Variants in CYB5A observed in about 807,000 individuals in gnomAD.
The protein encoded by CYB5A is cytochrome b5 type A.
In CYB5A, 10 loss-of-function variants were observed where a neutral mutation model predicts 16.2. That is an observed-to-expected ratio of 0.62 (90% confidence interval 0.38 to 1.04). CYB5A has a LOEUF of 1.04. Ranked by LOEUF, CYB5A falls within the 50% of genes least tolerant of loss-of-function variation. The pLI, the probability that CYB5A is intolerant of heterozygous loss-of-function variation, is 0.01. For missense variants in CYB5A, 161 were observed against 165.9 expected (o/e 0.97, Z 0.16); for synonymous variants, 62 against 57.0 (o/e 1.09, Z -0.40).
At position 74,291,807 on chromosome 18, in the gene CYB5A, G is replaced by C. The variant is rs1003722479; in HGVS notation, c.69C>G (p.Ser23Arg). 6.2e-7 allele frequency: 1 copy of C among 1,613,762 alleles called. No homozygotes were observed. Among genetic ancestry groups the C allele is most frequent in the African/African-American group, 1.3e-5 (1 of 74,898 alleles). ...GGTGCAGGATCAGCCAGGTGCTCTTGCTGTGGTTGTGCTTCTGAATCTCCT... is the reference window on the plus strand; with the variant it reads ...GGTGCAGGATCAGCCAGGTGCTCTTCCTGTGGTTGTGCTTCTGAATCTCCT... ...TLEEIQKHNH[S>R]KSTWLILHHK... The change falls in exon 1 of 5, where the codon AGC (serine) becomes AGG (arginine). Residue 23 changes from serine (S) to arginine (R), a missense_variant. Coordinates refer to ENST00000340533, the MANE Select transcript of CYB5A (RefSeq NM_148923.4).
Position 74,273,356 on chromosome 18 carries a change from A to C in CYB5A, c.130-9879T>G, listed in dbSNP as rs146434020. On this transcript the variant is annotated intron_variant, in intron 1 of 4. Transcript: ENST00000340533. ...CAGCCCTGGTTTCCTAAGAAATAAA[A>C]GAGTTTAAAAAGGAAGAAAATACTG... 6.7e-3 allele frequency among the ~76,000 whole-genome samples: 1,022 copies of C among 152,366 alleles called. 11 individuals are homozygous for C. The highest frequency in any genetic ancestry group is 0.011 in the Non-Finnish European group (725 of 68,040).
intron 1 of CYB5A, among the ~76,000 whole-genome samples, chr18:74,269,824 TCCTC>T (rs1982601157): frequency 6.6e-6 from 1 of 152,066 alleles, no homozygotes; most frequent in Non-Finnish European, 1.5e-5. Context: ...TGGTCTCCCA[TCCTC>T]CCTAGCATCA....
chr18:74,288,761 G>C (rs1983414169), intron 1 of CYB5A, among the ~76,000 whole-genome samples: 1 of 152,202 alleles, frequency 6.6e-6, no homozygotes, highest in Admixed American at 6.5e-5. Flanking sequence ...ATAGAACCCA[G>C]AGAGAGGCTC....
chr18:74,253,917 G>A (rs1208281517), intron 4 of CYB5A, among the ~76,000 whole-genome samples: 8 of 152,198 alleles, frequency 5.3e-5, no homozygotes, highest in Non-Finnish European at 1.0e-4. Flanking sequence ...AGTGGCTCAC[G>A]CCTGTAATCC....
At chr18:74,254,222 C>T (rs936799085) in intron 4 of CYB5A, among the ~76,000 whole-genome samples, 2 of 151,954 alleles carry the variant, frequency 1.3e-5, no homozygotes, top group Non-Finnish European at 2.9e-5. Context: ...ATGAATGCCC[C>T]ACCAGCTGTA....
chr18:74,272,518 A>G (rs1288088167), intron 1 of CYB5A, among the ~76,000 whole-genome samples: 3 of 152,178 alleles, frequency 2.0e-5, no homozygotes, highest in African/African-American at 7.2e-5. Flanking sequence ...CAATTCTGGT[A>G]TTTCTAACAA....
At chr18:74,259,447 C>T (rs1480823302) in intron 3 of CYB5A, 1 of 152,120 alleles carries the variant, frequency 6.6e-6, no homozygotes, top group East Asian at 1.9e-4. Context: ...GCAATTAATC[C>T]AACAGAGTAT....
intron 1 of CYB5A, among the ~76,000 whole-genome samples, chr18:74,281,291 G>A (rs561009489): frequency 5.9e-5 from 9 of 152,294 alleles, no homozygotes; most frequent in South Asian, 2.1e-4. Flanking sequence ...GTAGCCTCAG[G>A]GATACAAGAG....
At chr18:74,283,773 T>C (rs755979858) in intron 1 of CYB5A, among the ~76,000 whole-genome samples, 2 of 152,174 alleles carry the variant, frequency 1.3e-5, no homozygotes, top group Admixed American at 6.5e-5. Flanking sequence ...GACTCAGCAC[T>C]GAAGACACTG....
chr18:74,288,168 G>A (rs1056580708), intron 1 of CYB5A, among the ~76,000 whole-genome samples: 5 of 152,192 alleles, frequency 3.3e-5, no homozygotes, highest in Non-Finnish European at 7.3e-5. Context: ...AGCTTTAGTG[G>A]CCATTATTTC....
intron 1 of CYB5A, among the ~76,000 whole-genome samples, chr18:74,267,043 GGAGA>G (rs149309645): frequency 1.3e-5 from 2 of 151,070 alleles, no homozygotes. Context: ...TATGTATTAC[GGAGA>G]GAGAGAGAGA....
chr18:74,290,200 G>C (rs1053804807), intron 1 of CYB5A, among the ~76,000 whole-genome samples: 3 of 152,058 alleles, frequency 2.0e-5, no homozygotes, highest in Non-Finnish European at 2.9e-5. Flanking sequence ...CTGCTCCAGA[G>C]TGAAATACCT....
In CYB5A at chr18:74,258,302, C is replaced by G. The variant is rs983296863; in HGVS notation, c.289-2527G>C. Reference sequence around the variant, plus strand: ...AGACACTGTGAGGACCAAATAACTTCTACAAGAATGCTTTCAAAACTATAA... The same window carrying G: ...AGACACTGTGAGGACCAAATAACTTGTACAAGAATGCTTTCAAAACTATAA... On this transcript the variant is annotated intron_variant, in intron 3 of 4. Coordinates refer to ENST00000340533, the MANE Select transcript of CYB5A (RefSeq NM_148923.4). 2.6e-5 allele frequency: 4 copies of G among 152,178 alleles called. No homozygotes were observed. In the East Asian group the frequency reaches 7.7e-4, roughly 29 times the overall value. The allele number at this position is 152,178 out of a possible 1,614,324, so 9.4% of individuals were successfully genotyped here. A position where few individuals can be genotyped will look rare whatever the true frequency, so the allele number is the denominator to read the frequency against.
intron 1 of CYB5A, among the ~76,000 whole-genome samples, chr18:74,280,941 C>A (rs1983074745): frequency 6.6e-6 from 1 of 152,128 alleles, no homozygotes; most frequent in Non-Finnish European, 1.5e-5. Context: ...TACGGACTGA[C>A]CCCATCTGAC....
intron 3 of CYB5A, chr18:74,258,103 T>A (rs1037854755): frequency 1.3e-5 from 2 of 152,100 alleles, no homozygotes; most frequent in Non-Finnish European, 2.9e-5. Context: ...TCCCTTAAAA[T>A]ACTGACAGAG....
Position 74,274,897 on chromosome 18 carries a change from C to T in CYB5A, c.130-11420G>A, listed in dbSNP as rs561990794. 2.4e-4 allele frequency among the ~76,000 whole-genome samples: 36 copies of T among 152,314 alleles called. 1 individual carries two copies. In the South Asian group the frequency reaches 5.6e-3, roughly 24 times the overall value. On this transcript the variant is annotated intron_variant, in intron 1 of 4. Coordinates refer to ENST00000340533, the MANE Select transcript of CYB5A (RefSeq NM_148923.4). ...TGGCTCAATTGACAGCAGAGGCTTC[C>T]GTTCCTGTAAAGGAAACCAGGGAGG...
rs190562803 is a variant in CYB5A at position 74,263,950 on chromosome 18, G to A, written c.130-473C>T. On this transcript the variant is annotated intron_variant, in intron 1 of 4. Coordinates refer to ENST00000340533, the MANE Select transcript of CYB5A (RefSeq NM_148923.4). ...AAAAAATTTAAAAACAACCTTTCCC[G>A]GCCGGGCACGGTAGCTCACGCCTGT... 3.4e-3 allele frequency among the ~76,000 whole-genome samples: 515 copies of A among 151,834 alleles called. 5 individuals are homozygous for A. Among genetic ancestry groups the A allele is most frequent in the South Asian group, 0.032 (155 of 4,788 alleles).
chr18:74,278,364 A>T (rs1188920513), intron 1 of CYB5A, among the ~76,000 whole-genome samples: 2 of 152,214 alleles, frequency 1.3e-5, no homozygotes, highest in Non-Finnish European at 2.9e-5. Flanking sequence ...ATTAATTAGC[A>T]GACTCCGTGG....
chr18:74,280,167 A>G (rs1306079989), intron 1 of CYB5A, among the ~76,000 whole-genome samples: 2 of 152,186 alleles, frequency 1.3e-5, no homozygotes, highest in Non-Finnish European at 2.9e-5. Flanking sequence ...AGGGAACCAT[A>G]TGTTATTTGG....
Sources: allele counts gnomAD v4.1 joint callset (sites outside exome capture counted in the v4.1 genomes callset), GRCh38; gene constraint gnomAD v4.1.1; transcripts MANE v1.5; gene names NCBI Gene and HGNC (gene_info 2026-07-23, HGNC 2026-07-21).